The following IGSF21 variants were observed in gnomAD, a reference collection of about 807,000 sequenced individuals.
IGSF21 encodes the protein immunoglobin superfamily member 21.
A neutral mutation model predicts 46.8 loss-of-function variants in IGSF21; 28 were observed. The observed-to-expected ratio is 0.60, with a 90% CI of 0.44 to 0.82. IGSF21 has a LOEUF of 0.82. IGSF21 is among the 40% of genes least tolerant of loss of function. The pLI is 0.00. For synonymous variants in IGSF21, 284 were observed against 273.6 expected, an observed-to-expected ratio of 1.04 and a Z score of -0.38; for missense variants, 624 against 665.5, an observed-to-expected ratio of 0.94 and a Z score of 0.69.
intron 1 of IGSF21, among the ~76,000 whole-genome samples, chr1:18,181,394 T>C (rs2086857031): frequency 6.6e-6 from 1 of 152,210 alleles, no homozygotes; most frequent in African/African-American, 2.4e-5. Flanking sequence ...AACGCTGTTT[T>C]GGCCCAGAAT....
intron 1 of IGSF21, among the ~76,000 whole-genome samples, chr1:18,129,947 C>T (rs2086303730): frequency 6.6e-6 from 1 of 152,170 alleles, no homozygotes. Context: ...CCAGCCTCTC[C>T]ATCTTTCCAG....
intron 1 of IGSF21, among the ~76,000 whole-genome samples, chr1:18,211,137 G>C (rs1245310751): frequency 1.3e-5 from 2 of 152,200 alleles, no homozygotes; most frequent in Non-Finnish European, 2.9e-5. Flanking sequence ...CTCCCAAAGT[G>C]CTGGGATTAC....
chr1:18,282,345 GAT>G (rs1465597135), intron 2 of IGSF21, among the ~76,000 whole-genome samples: 1 of 152,174 alleles, frequency 6.6e-6, no homozygotes, highest in Non-Finnish European at 1.5e-5. Flanking sequence ...TGGCCCAGGT[GAT>G]TCCACTGTGC....
intron 2 of IGSF21, among the ~76,000 whole-genome samples, chr1:18,272,891 CAATA>C (rs1323364893): frequency 6.6e-6 from 1 of 152,100 alleles, no homozygotes; most frequent in African/African-American, 2.4e-5. Flanking sequence ...TGGGAGGAGA[CAATA>C]AAACCACAAA....
chr1:18,148,275 C>A (rs189671190), intron 1 of IGSF21, among the ~76,000 whole-genome samples: 1 of 151,754 alleles, frequency 6.6e-6, no homozygotes, highest in African/African-American at 2.4e-5. Context: ...GGACTACAGG[C>A]GCCCACCACC....
intron 2 of IGSF21, among the ~76,000 whole-genome samples, chr1:18,263,886 GC>G (rs2084968174): frequency 6.6e-6 from 1 of 152,134 alleles, no homozygotes; most frequent in Admixed American, 6.5e-5. Context: ...ACCCAGCTGG[GC>G]CAGGTCACCT....
At chr1:18,157,528 G>A (rs1225258086) in intron 1 of IGSF21, among the ~76,000 whole-genome samples, 1 of 152,170 alleles carries the variant, frequency 6.6e-6, no homozygotes, top group African/African-American at 2.4e-5. Context: ...CCCAAGGCAG[G>A]GGGTTCATTC....
chr1:18,214,636 TAC>T (rs1213975205), intron 1 of IGSF21, among the ~76,000 whole-genome samples: 22 of 152,272 alleles, frequency 1.4e-4, no homozygotes, highest in African/African-American at 4.8e-4. Context: ...TTGGGAAACT[TAC>T]AGTCATGGAG....
intron 1 of IGSF21, among the ~76,000 whole-genome samples, chr1:18,197,041 C>T (rs985835426): frequency 2.6e-5 from 4 of 152,166 alleles, no homozygotes; most frequent in South Asian, 2.1e-4. Flanking sequence ...CGCTAGAGAG[C>T]GAAAGAGACT....
chr1:18,156,656 G>T (rs372091194), intron 1 of IGSF21, among the ~76,000 whole-genome samples: 2 of 152,196 alleles, frequency 1.3e-5, no homozygotes, highest in Non-Finnish European at 2.9e-5. Context: ...CTCAAATGTT[G>T]AGAAACCAGA....
intron 1 of IGSF21, among the ~76,000 whole-genome samples, chr1:18,149,942 T>C (rs1416302571): frequency 6.6e-6 from 1 of 152,160 alleles, no homozygotes; most frequent in Non-Finnish European, 1.5e-5. Context: ...ACATTTTCAT[T>C]TATTCAGTAG....
chr1:18,320,293 C>T (rs936613204), intron 3 of IGSF21, among the ~76,000 whole-genome samples: 5 of 152,262 alleles, frequency 3.3e-5, no homozygotes, highest in African/African-American at 1.2e-4. Flanking sequence ...CAGCCCTGGG[C>T]ACCCTGGCCT....
chr1:18,322,238 C>A lies in IGSF21; in HGVS notation c.306-12654C>A, dbSNP rs1271255060. Among the ~76,000 whole-genome samples the A allele has an allele frequency of 6.6e-6, 1 of 152,186 alleles. No individual in the cohort carries two copies. The highest frequency in any genetic ancestry group is 6.5e-5 in the Admixed American group (1 of 15,292). On this transcript the variant is annotated intron_variant, in intron 3 of 9. Transcript: ENST00000251296. The surrounding 1 kb of genome is among the most constrained non-coding windows in gnomAD (Gnocchi z 4.3). ...TGCATCGGCTCCTGGAACTCAAGGG[C>A]GAGGGACCTGATGCTGACCTTGCCC...
rs114123088 is a variant in IGSF21 at position 18,224,773 on chromosome 1, C to T, written c.71-3125C>T. On this transcript the variant is annotated intron_variant, in intron 1 of 9. Transcript: ENST00000251296. ...CTTAAAATTCATGGATGTTGGAAAT[C>T]ATGTTTTCCTGCCAGACATGGTGGC... 9.3e-3 allele frequency among the ~76,000 whole-genome samples: 1,420 copies of T among 152,200 alleles called. 18 individuals are homozygous for T. Among genetic ancestry groups the T allele is most frequent in the African/African-American group, 0.032 (1,333 of 41,520 alleles).
chr1:18,150,398 C>T (rs930463270), intron 1 of IGSF21, among the ~76,000 whole-genome samples: 4 of 132,924 alleles, frequency 3.0e-5, no homozygotes, highest in African/African-American at 5.8e-5. Flanking sequence ...GAGGATGGTG[C>T]TTGGCATGGC....
At chr1:18,217,796 C>A (rs2084464467) in intron 1 of IGSF21, among the ~76,000 whole-genome samples, 1 of 152,146 alleles carries the variant, frequency 6.6e-6, no homozygotes, top group African/African-American at 2.4e-5. Context: ...AAAGGGCCTG[C>A]CTGCCAAGCC....
In IGSF21 at chr1:18,337,909, G is replaced by A. The variant is rs2085788189; in HGVS notation, c.424+2899G>A. 6.6e-6 allele frequency among the ~76,000 whole-genome samples: 1 copy of A among 152,174 alleles called. No homozygotes were observed. Among genetic ancestry groups the A allele is most frequent in the African/African-American group, 2.4e-5 (1 of 41,444 alleles). On this transcript the variant is annotated intron_variant, in intron 4 of 9. Coordinates refer to ENST00000251296, the MANE Select transcript of IGSF21 (RefSeq NM_032880.5). The surrounding 1 kb of genome is among the most constrained non-coding windows in gnomAD (Gnocchi z 5.7). ...AATGAATTTGCTCCAGGCCTTATAG[G>A]GTGGGGGTTATCTCTGTGCCAGAGG...
At chr1:18,299,857 A>G (rs550780493) in intron 3 of IGSF21, among the ~76,000 whole-genome samples, 1 of 152,264 alleles carries the variant, frequency 6.6e-6, no homozygotes, top group Non-Finnish European at 1.5e-5. Context: ...TCTCAAAATC[A>G]GGGGTGATTT....
chr1:18,375,425 T>G (rs2086270710), intron 6 of IGSF21, among the ~76,000 whole-genome samples: 1 of 152,154 alleles, frequency 6.6e-6, no homozygotes, highest in South Asian at 2.1e-4. Flanking sequence ...GAGCTCTGTT[T>G]GTCAGCTGAA....
Sources: gnomAD v4.1 joint callset for allele counts (sites outside exome capture counted in the v4.1 genomes callset) on GRCh38, gnomAD v4.1.1 for gene constraint, Gnocchi (gnomAD v3.1) non-coding constraint, MANE v1.5 for transcripts, NCBI Gene and HGNC (gene_info 2026-07-23, HGNC 2026-07-21) for gene names.